SLC25A21: variants seen among roughly 807,000 people sequenced by gnomAD.
SLC25A21 encodes mitochondrial 2-oxodicarboxylate carrier.
Under a neutral mutation model 43.8 loss-of-function variants are expected in SLC25A21, and 47 were observed. That is an observed-to-expected ratio of 1.07 (90% CI 0.85 to 1.37). The LOEUF (loss-of-function observed/expected upper bound fraction) is 1.37. SLC25A21 is among the 40% of genes most tolerant of loss of function. The pLI is 0.00. For synonymous variants in SLC25A21, 131 were observed against 121.3 expected (o/e 1.08, Z -0.52); for missense variants, 352 against 350.2 (o/e 1.00, Z -0.04).
chr14:36,945,086 GATT>G (rs908550920), intron 1 of SLC25A21, among the ~76,000 whole-genome samples: 1 of 152,024 alleles, frequency 6.6e-6, no homozygotes, highest in Non-Finnish European at 1.5e-5. Flanking sequence ...CCCTGACTCA[GATT>G]ATTATTATTT....
At chr14:37,110,825 A>G (rs1963005776) in intron 1 of SLC25A21, among the ~76,000 whole-genome samples, 1 of 152,084 alleles carries the variant, frequency 6.6e-6, no homozygotes, top group African/African-American at 2.4e-5. Context: ...CACTTTTCTT[A>G]CCTGTTACTT....
intron 1 of SLC25A21, among the ~76,000 whole-genome samples, chr14:37,107,670 T>G (rs908645041): frequency 5.9e-5 from 9 of 152,120 alleles, no homozygotes; most frequent in African/African-American, 1.9e-4. Flanking sequence ...ATTGTTATCA[T>G]CCCCATTTCA....
chr14:36,942,676 T>C (rs79242225), intron 1 of SLC25A21, among the ~76,000 whole-genome samples: 1,717 of 152,200 alleles, frequency 0.011, 30 homozygotes, highest in African/African-American at 0.039. Flanking sequence ...GTGAAAAGAC[T>C]TGTGCAATTT....
intron 1 of SLC25A21, among the ~76,000 whole-genome samples, chr14:37,111,997 A>C (rs556290338): frequency 2.0e-5 from 3 of 152,334 alleles, no homozygotes; most frequent in African/African-American, 7.2e-5. Context: ...GATTCTGGCA[A>C]TACTGTAGGT....
chr14:36,719,317 C>T (rs966411192), intron 6 of SLC25A21, among the ~76,000 whole-genome samples: 3 of 152,184 alleles, frequency 2.0e-5, no homozygotes, highest in Admixed American at 1.3e-4. Flanking sequence ...GTCACATTGG[C>T]AAGACTGGGT....
intron 1 of SLC25A21, among the ~76,000 whole-genome samples, chr14:37,145,243 T>C (rs1963642020): frequency 6.6e-6 from 1 of 151,862 alleles, no homozygotes; most frequent in South Asian, 2.1e-4. Flanking sequence ...CCCCATAGAA[T>C]ACTACCTCCT....
At chr14:36,857,229 G>A (rs547880373) in intron 2 of SLC25A21, among the ~76,000 whole-genome samples, 32 of 152,180 alleles carry the variant, frequency 2.1e-4, no homozygotes, top group Non-Finnish European at 3.7e-4. Context: ...TCTGCAATGG[G>A]AAGACCCCTC....
rs112016879 is a variant in SLC25A21 at position 36,918,343 on chromosome 14, G to C, written c.71-43339C>G. Among the ~76,000 whole-genome samples, 634 of 152,282 alleles carry C rather than the reference G, an allele frequency of 4.2e-3. 7 individuals are homozygous for C. The highest frequency in any genetic ancestry group is 0.015 in the African/African-American group (605 of 41,562). On this transcript the variant is annotated intron_variant, in intron 1 of 9. Coordinates refer to ENST00000331299, the MANE Select transcript of SLC25A21 (RefSeq NM_030631.4). ...ATGTTCTTACAGTGATCAAGGGCTG[G>C]TGTATGGAATGCCATGATTTTCCCT...
At chr14:36,837,375 C>T (rs529516735) in intron 2 of SLC25A21, among the ~76,000 whole-genome samples, 76 of 152,008 alleles carry the variant, frequency 5.0e-4, no homozygotes, top group Non-Finnish European at 7.9e-4. Context: ...AGAGGAAGTG[C>T]GGCACACACA....
At chr14:37,123,965 T>G (rs1020296661) in intron 1 of SLC25A21, among the ~76,000 whole-genome samples, 3 of 152,226 alleles carry the variant, frequency 2.0e-5, no homozygotes, top group African/African-American at 7.2e-5. Context: ...TGCTACGCTT[T>G]TCTCCATTTT....
chr14:36,734,942 A>AG (rs1312144561), intron 3 of SLC25A21, among the ~76,000 whole-genome samples: 1 of 152,216 alleles, frequency 6.6e-6, no homozygotes, highest in East Asian at 1.9e-4. Context: ...CAACCAAATG[A>AG]GGTTAGGATT....
chr14:36,836,798 G>A (rs1387575560), intron 2 of SLC25A21, among the ~76,000 whole-genome samples: 2 of 152,144 alleles, frequency 1.3e-5, no homozygotes, highest in Non-Finnish European at 2.9e-5. Flanking sequence ...ATAACAAGGG[G>A]GAATTAACAG....
At chr14:36,918,490 TAC>T (rs1891891734) in intron 1 of SLC25A21, among the ~76,000 whole-genome samples, 1 of 152,148 alleles carries the variant, frequency 6.6e-6, no homozygotes, top group Non-Finnish European at 1.5e-5. Flanking sequence ...CAAAATTTAC[TAC>T]AGACTCCCTA....
chr14:37,153,038 T>C (rs8014303), intron 1 of SLC25A21, among the ~76,000 whole-genome samples: 59,998 of 151,962 alleles, frequency 0.39, 12,748 homozygotes, highest in African/African-American at 0.56. Flanking sequence ...TGGGAGTGAC[T>C]TCCTAACATG....
chr14:36,837,153 C>T (rs903321650), intron 2 of SLC25A21, among the ~76,000 whole-genome samples: 5 of 151,902 alleles, frequency 3.3e-5, no homozygotes, highest in Admixed American at 3.3e-4. Flanking sequence ...GGAAGGAAAC[C>T]TAGAGAAGCC....
At chr14:36,730,693 T>C (rs1419938815) in intron 4 of SLC25A21, among the ~76,000 whole-genome samples, 2 of 152,196 alleles carry the variant, frequency 1.3e-5, no homozygotes, top group Admixed American at 6.5e-5. Context: ...GTCTTTCAAA[T>C]GCACTATGAA....
At chr14:36,856,307 G>A (rs951494771) in intron 2 of SLC25A21, among the ~76,000 whole-genome samples, 1 of 152,092 alleles carries the variant, frequency 6.6e-6, no homozygotes, top group East Asian at 1.9e-4. Flanking sequence ...TCCCTCTCTC[G>A]AGCTTGTCTT....
intron 2 of SLC25A21, among the ~76,000 whole-genome samples, chr14:36,868,518 T>A (rs1000914977): frequency 1.3e-5 from 2 of 152,154 alleles, no homozygotes; most frequent in Non-Finnish European, 2.9e-5. Flanking sequence ...AGAATAAACT[T>A]TTTTCCTATA....
chr14:37,006,779 C>T (rs1960613521), intron 1 of SLC25A21, among the ~76,000 whole-genome samples: 1 of 152,098 alleles, frequency 6.6e-6, no homozygotes. Flanking sequence ...AAATTGATGT[C>T]ATATCTGATA....
Sources: gnomAD v4.1 joint callset for allele counts (sites outside exome capture counted in the v4.1 genomes callset) on GRCh38, gnomAD v4.1.1 for gene constraint, MANE v1.5 for transcripts, NCBI Gene and HGNC (gene_info 2026-07-23, HGNC 2026-07-21) for gene names.